AP3B1: variants seen among roughly 807,000 people sequenced by gnomAD.
AP3B1 encodes adaptor related protein complex 3 subunit beta 1, also known as AP-3 complex subunit beta-1.
Under a neutral mutation model 132.5 loss-of-function variants are expected in AP3B1, and 61 were observed. The ratio of observed to expected loss-of-function variants is 0.46; its 90% confidence interval spans 0.37 to 0.57. The LOEUF (loss-of-function observed/expected upper bound fraction) is 0.57, where lower values mean the gene tolerates loss of function less well. Among genes scored for constraint, AP3B1 ranks in the 20% least tolerant of loss-of-function variants. AP3B1 has a pLI of 0.00. For synonymous variants in AP3B1, 388 were observed against 438.3 expected (o/e 0.89, Z 1.43); for missense variants, 1,120 against 1,289.4 (o/e 0.87, Z 2.01).
At chr5:78,021,327 GC>G (rs1215646515) in intron 24 of AP3B1, among the ~76,000 whole-genome samples, 1 of 151,928 alleles carries the variant, frequency 6.6e-6, no homozygotes, top group African/African-American at 2.4e-5. Flanking sequence ...GCCCTTATTT[GC>G]TAGCAGTGCT....
At chr5:78,219,520 G>C (rs1446942790) in intron 6 of AP3B1, among the ~76,000 whole-genome samples, 1 of 151,992 alleles carries the variant, frequency 6.6e-6, no homozygotes, top group Non-Finnish European at 1.5e-5. Flanking sequence ...AATGGTAACA[G>C]TTGATTGGAG....
chr5:78,177,485 CT>C, intron 8 of AP3B1, 49 bp from the exon 9 acceptor site: 1 of 1,320,392 alleles, frequency 7.6e-7, no homozygotes, highest in Non-Finnish European at 1.1e-6. Context: ...CTAGAGCACT[CT>C]ACAACCTCAA....
At chr5:78,170,515 G>A (rs1233933123) in intron 11 of AP3B1, among the ~76,000 whole-genome samples, 1 of 152,188 alleles carries the variant, frequency 6.6e-6, no homozygotes, top group Admixed American at 6.5e-5. Context: ...CAATGAGGAT[G>A]AGCATTTTTT....
intron 7 of AP3B1, among the ~76,000 whole-genome samples, chr5:78,204,656 G>T (rs543611248): frequency 1.8e-4 from 27 of 152,260 alleles, no homozygotes; most frequent in African/African-American, 6.5e-4. Flanking sequence ...TTGTTCTGAG[G>T]GAGTTATGAT....
chr5:78,259,435 G>A (rs1038769727), intron 2 of AP3B1, among the ~76,000 whole-genome samples: 2 of 152,094 alleles, frequency 1.3e-5, no homozygotes, highest in Non-Finnish European at 2.9e-5. Context: ...CAGAATGAAT[G>A]AATAAGACCT....
intron 22 of AP3B1, among the ~76,000 whole-genome samples, chr5:78,078,346 C>T (rs1041356140): frequency 1.3e-5 from 2 of 152,172 alleles, no homozygotes; most frequent in Admixed American, 1.3e-4. Flanking sequence ...TCCAATTAAT[C>T]TTTCACACAA....
intron 7 of AP3B1, among the ~76,000 whole-genome samples, chr5:78,215,422 A>G (rs566237785): frequency 2.9e-4 from 44 of 152,242 alleles, no homozygotes; most frequent in African/African-American, 1.0e-3. Flanking sequence ...AATATGATGA[A>G]AAGAATAAGG....
chr5:78,230,543 A>G (rs1390158301), intron 3 of AP3B1, among the ~76,000 whole-genome samples: 1 of 152,206 alleles, frequency 6.6e-6, no homozygotes, highest in Non-Finnish European at 1.5e-5. Context: ...TACTCAATAC[A>G]GTTTATAATC....
chr5:78,219,015 G>A (rs920256278), intron 6 of AP3B1, among the ~76,000 whole-genome samples: 2 of 152,064 alleles, frequency 1.3e-5, no homozygotes, highest in African/African-American at 4.8e-5. Context: ...GCACATAACG[G>A]TGGGGCTTTT....
intron 22 of AP3B1, among the ~76,000 whole-genome samples, chr5:78,069,395 T>C (rs141718121): frequency 0.022 from 3,328 of 152,234 alleles, 45 homozygotes; most frequent in Non-Finnish European, 0.033. Context: ...TAACCAACTT[T>C]AGCAAAGTCT....
rs138075458 is a variant in AP3B1 at position 78,157,450 on chromosome 5, C to T, written c.1364-1083G>A. 7.2e-3 allele frequency among the ~76,000 whole-genome samples: 1,102 copies of T among 152,236 alleles called. 7 individuals are homozygous for T. The highest frequency in any genetic ancestry group is 0.012 in the Non-Finnish European group (784 of 68,024). On this transcript the variant is annotated intron_variant, in intron 13 of 26. Coordinates refer to ENST00000255194, the MANE Select transcript of AP3B1 (RefSeq NM_003664.5). ...TACTGGAGGTGGATAGGAAGTAGAT[C>T]CTCAAACTGGGATTACGGGATTTAG...
At chr5:78,192,518 T>A (rs1358992692) in intron 7 of AP3B1, among the ~76,000 whole-genome samples, 4 of 152,088 alleles carry the variant, frequency 2.6e-5, no homozygotes, top group Non-Finnish European at 5.9e-5. Flanking sequence ...GGCACACACC[T>A]GTAATCCCAG....
At chr5:78,165,705 A>C in intron 11 of AP3B1, 33 bp from the exon 12 acceptor site, 1 of 1,411,450 alleles carries the variant, frequency 7.1e-7, no homozygotes, top group South Asian at 1.2e-5. Flanking sequence ...TAAACATTTT[A>C]AAACAAAGGT....
intron 2 of AP3B1, among the ~76,000 whole-genome samples, chr5:78,265,504 G>C (rs1047436224): frequency 2.0e-5 from 3 of 152,214 alleles, no homozygotes. Context: ...AACAGAACTT[G>C]TTCTCTTATC....
At chr5:78,167,099 T>G (rs568225472) in intron 11 of AP3B1, among the ~76,000 whole-genome samples, 1 of 152,060 alleles carries the variant, frequency 6.6e-6, no homozygotes, top group Non-Finnish European at 1.5e-5. Flanking sequence ...TCTATACATC[T>G]GACAAAGGAC....
Position 78,013,003 on chromosome 5 carries a change from T to C in AP3B1, c.3131+2407A>G, listed in dbSNP as rs921605245. On this transcript the variant is annotated intron_variant, in intron 26 of 26. Transcript: ENST00000255194. ...CTAAGTCTATCTCCCAATAGGAAGA[T>C]AGCTTTCATTTTATGTGGCTTTGTA... 5.3e-5 allele frequency among the ~76,000 whole-genome samples: 8 copies of C among 152,312 alleles called. No individual in the cohort carries two copies. The South Asian group carries it at 6.2e-4, about 12-fold the overall frequency.
At chr5:78,180,709 T>G (rs1382874080) in intron 8 of AP3B1, among the ~76,000 whole-genome samples, 1 of 151,996 alleles carries the variant, frequency 6.6e-6, no homozygotes, top group Non-Finnish European at 1.5e-5. Context: ...ATTTTTATCT[T>G]GGTTAAAAAA....
At chr5:78,196,899 A>G (rs567930741) in intron 7 of AP3B1, among the ~76,000 whole-genome samples, 45 of 152,284 alleles carry the variant, frequency 3.0e-4, no homozygotes, top group Non-Finnish European at 4.9e-4. Context: ...AGCATAGAGA[A>G]TTTTTAGGGC....
intron 2 of AP3B1, among the ~76,000 whole-genome samples, chr5:78,253,187 A>G (rs944003445): frequency 6.6e-6 from 1 of 151,718 alleles, no homozygotes; most frequent in African/African-American, 2.4e-5. Flanking sequence ...GGTGCCCCCT[A>G]AAGCCAATAT....
Sources: allele counts gnomAD v4.1 joint callset (sites outside exome capture counted in the v4.1 genomes callset), GRCh38; gene constraint gnomAD v4.1.1; transcripts MANE v1.5; gene names NCBI Gene and HGNC (gene_info 2026-07-23, HGNC 2026-07-21).